The following DCAF8L2 variants were observed in gnomAD, a reference collection of about 807,000 sequenced individuals.
DCAF8L2 encodes the protein DDB1 and CUL4 associated factor 8 like 2.
For missense variants in DCAF8L2, 430 were observed against 490.7 expected (o/e 0.88, Z 1.17); for synonymous variants, 200 against 190.9 (o/e 1.05, Z -0.39).
the DCAF8L2 span, among the ~76,000 whole-genome samples, chrX:27,584,934 A>G: frequency 1.8e-4 from 20 of 111,748 alleles, 1 homozygote; most frequent in Middle Eastern, 4.6e-3. Flanking sequence ...GAGGTCAAGG[A>G]TAGTGATAAA....
chrX:27,707,562 G>C (rs988423279), intron 3 of DCAF8L2, among the ~76,000 whole-genome samples: 1 of 111,704 alleles, frequency 9.0e-6, no homozygotes, highest in Non-Finnish European at 1.9e-5. Flanking sequence ...GTAATTTGAA[G>C]CTAAATTATA....
At chrX:27,561,377 T>C in the DCAF8L2 span, among the ~76,000 whole-genome samples, 1 of 112,271 alleles carries the variant, frequency 8.9e-6, no homozygotes, top group African/African-American at 3.2e-5. Flanking sequence ...TATTTTTAAA[T>C]GAGGGATCCT....
chrX:27,575,231 G>A, the DCAF8L2 span, among the ~76,000 whole-genome samples: 10 of 110,923 alleles, frequency 9.0e-5, no homozygotes, highest in Admixed American at 1.9e-4. Flanking sequence ...TTCCACCAAC[G>A]TGCTCCCTCG....
intron 3 of DCAF8L2, among the ~76,000 whole-genome samples, chrX:27,683,113 TAGCTTTG>T (rs139263520): frequency 0.014 from 1,591 of 112,149 alleles, 10 homozygotes; most frequent in Non-Finnish European, 0.024. Flanking sequence ...TTTGTCCTCC[TAGCTTTG>T]AGCATTCCTA....
At chrX:27,710,372 A>G (rs1435654658) in intron 3 of DCAF8L2, among the ~76,000 whole-genome samples, 1 of 111,413 alleles carries the variant, frequency 9.0e-6, no homozygotes, top group Non-Finnish European at 1.9e-5. Flanking sequence ...TATATAGATA[A>G]ATTTGGGTGT....
intron 2 of DCAF8L2, among the ~76,000 whole-genome samples, chrX:27,676,160 C>T (rs1179114538): frequency 1.8e-5 from 2 of 111,386 alleles, no homozygotes; most frequent in African/African-American, 6.5e-5. Context: ...TGTAATACCA[C>T]AATTGAGTAC....
the DCAF8L2 span, among the ~76,000 whole-genome samples, chrX:27,507,740 T>C: frequency 8.1e-4 from 90 of 111,631 alleles, no homozygotes; most frequent in Non-Finnish European, 1.6e-3. Context: ...ATGCTCTTGA[T>C]AAAATTGATA....
intron 3 of DCAF8L2, among the ~76,000 whole-genome samples, chrX:27,710,217 A>G (rs1931478493): frequency 1.8e-5 from 2 of 111,607 alleles, no homozygotes; most frequent in South Asian, 7.4e-4. Flanking sequence ...CAAGTAGTGT[A>G]AGTCCTTTGA....
At chrX:27,507,110 A>G in the DCAF8L2 span, among the ~76,000 whole-genome samples, 1 of 111,940 alleles carries the variant, frequency 8.9e-6, no homozygotes, top group Non-Finnish European at 1.9e-5. Context: ...GTAATTGTCT[A>G]CTATCCTATT....
the DCAF8L2 span, among the ~76,000 whole-genome samples, chrX:27,562,124 T>C: frequency 3.6e-5 from 4 of 112,391 alleles, no homozygotes. Flanking sequence ...TTGTATCTCA[T>C]TGTGGTTTTG....
chrX:27,711,591 C>G (rs1931536788), intron 3 of DCAF8L2, among the ~76,000 whole-genome samples: 1 of 108,936 alleles, frequency 9.2e-6, no homozygotes, highest in Non-Finnish European at 1.9e-5. Flanking sequence ...ATGTTCTAAG[C>G]CTCAAATATA....
chrX:27,545,663 C>A, the DCAF8L2 span, among the ~76,000 whole-genome samples: 1 of 111,371 alleles, frequency 9.0e-6, no homozygotes, highest in South Asian at 3.8e-4. Flanking sequence ...CTGTATTAGT[C>A]TGTTTTGACA....
intron 1 of DCAF8L2, among the ~76,000 whole-genome samples, chrX:27,615,439 A>G (rs913556617): frequency 1.6e-4 from 18 of 111,371 alleles, no homozygotes; most frequent in African/African-American, 5.5e-4. Context: ...ATACCTTCAA[A>G]TTTTTGCTTT....
At chrX:27,612,384 G>A (rs753745861) in intron 1 of DCAF8L2, among the ~76,000 whole-genome samples, 13 of 111,743 alleles carry the variant, frequency 1.2e-4, no homozygotes, top group African/African-American at 3.2e-4. Flanking sequence ...ATGTTCTCCC[G>A]TTCTGTAGGT....
intron 4 of DCAF8L2, among the ~76,000 whole-genome samples, chrX:27,717,658 A>AT (rs1931748639): frequency 9.0e-6 from 1 of 111,713 alleles, no homozygotes; most frequent in African/African-American, 3.3e-5. Flanking sequence ...GATTGCAAAG[A>AT]TTTTCTCCCA....
intron 3 of DCAF8L2, among the ~76,000 whole-genome samples, chrX:27,690,340 C>A (rs192627152): frequency 1.2e-3 from 132 of 111,356 alleles, no homozygotes; most frequent in Non-Finnish European, 2.1e-3. Context: ...TTAGTCATTT[C>A]AATAACAAAA....
chrX:27,591,802 T>C (rs1015231139), intron 1 of DCAF8L2, among the ~76,000 whole-genome samples: 3 of 112,063 alleles, frequency 2.7e-5, no homozygotes, highest in Non-Finnish European at 5.6e-5. Flanking sequence ...TTTAACTATG[T>C]CTGACTGAAA....
chrX:27,538,266 T>A, the DCAF8L2 span, among the ~76,000 whole-genome samples: 1 of 112,147 alleles, frequency 8.9e-6, no homozygotes, highest in Non-Finnish European at 1.9e-5. Flanking sequence ...CAGTGGAGTT[T>A]TAGTACCACA....
the DCAF8L2 span, among the ~76,000 whole-genome samples, chrX:27,513,142 A>G: frequency 8.9e-6 from 1 of 111,856 alleles, no homozygotes; most frequent in South Asian, 3.7e-4. Flanking sequence ...TGAAACTACT[A>G]AAAGAAAACA....
Sources: gnomAD v4.1 joint callset for allele counts (sites outside exome capture counted in the v4.1 genomes callset) on GRCh38, gnomAD v4.1.1 for gene constraint, MANE v1.5 for transcripts, NCBI Gene and HGNC (gene_info 2026-07-23, HGNC 2026-07-21) for gene names.